The following CD200R1 variants were observed in gnomAD, a reference collection of about 807,000 sequenced individuals.
CD200R1 encodes CD200 receptor 1, also known as cell surface glycoprotein CD200 receptor 1.
A neutral mutation model predicts 38.1 loss-of-function variants in CD200R1; 30 were observed. The ratio of observed to expected loss-of-function variants is 0.79; its 90% confidence interval spans 0.59 to 1.07. CD200R1 has a LOEUF of 1.07. Among genes scored for constraint, CD200R1 ranks in the 50% least tolerant of loss-of-function variants. The pLI is 0.00. For missense variants in CD200R1, 372 were observed against 415.4 expected (o/e 0.90, Z 0.91); for synonymous variants, 128 against 152.1 (o/e 0.84, Z 1.16).
At chr3:112,969,674 C>T (rs146051255) in intron 1 of CD200R1, among the ~76,000 whole-genome samples, 2,699 of 152,210 alleles carry the variant, frequency 0.018, 28 homozygotes, top group South Asian at 0.047. Flanking sequence ...CAATGCAGGG[C>T]CTCTCTAAGG....
intron 2 of CD200R1, among the ~76,000 whole-genome samples, chr3:112,939,641 A>G (rs1348065675): frequency 6.6e-6 from 1 of 151,942 alleles, no homozygotes; most frequent in Non-Finnish European, 1.5e-5. Context: ...GAAATTTAAG[A>G]AGACACAAAA....
At chr3:112,966,438 T>A (rs918790751) in intron 1 of CD200R1, among the ~76,000 whole-genome samples, 3 of 152,164 alleles carry the variant, frequency 2.0e-5, no homozygotes, top group Non-Finnish European at 4.4e-5. Context: ...GTAGGATAAT[T>A]TTGTGAAGAA....
intron 1 of CD200R1, among the ~76,000 whole-genome samples, chr3:112,970,623 C>T (rs1446922946): frequency 2.0e-5 from 3 of 151,858 alleles, no homozygotes; most frequent in Admixed American, 2.0e-4. Context: ...GTTTTTCAGA[C>T]ACAAATGGTT....
intron 1 of CD200R1, among the ~76,000 whole-genome samples, chr3:112,963,986 C>G (rs1933089606): frequency 1.3e-5 from 2 of 152,198 alleles, no homozygotes; most frequent in Admixed American, 6.5e-5. Flanking sequence ...GGCCAACATA[C>G]AGCTCAGGCC....
At chr3:112,944,617 T>G (rs142619137) in intron 2 of CD200R1, among the ~76,000 whole-genome samples, 4 of 152,086 alleles carry the variant, frequency 2.6e-5, no homozygotes, top group African/African-American at 9.6e-5. Flanking sequence ...TCTAACTAAT[T>G]CACCACTGGA....
In CD200R1 at chr3:112,923,414, G is replaced by C. The variant is rs1427026400; in HGVS notation, c.*263C>G. 3.8e-6 allele frequency: 1 copy of C among 264,382 alleles called. No homozygotes were observed. The highest frequency in any genetic ancestry group is 1.0e-4 in the East Asian group (1 of 9,952). 16.4% of individuals were successfully genotyped at this position (264,382 alleles called of 1,614,324 possible). A position where few individuals can be genotyped will look rare whatever the true frequency, so the allele number is the denominator to read the frequency against. ...GGAAATTTGGTTTTCATTATTTACT[G>C]TCCTGCACAATTTGAATATTTGGTC... On this transcript the variant is annotated 3_prime_UTR_variant, in exon 8 of 8. Coordinates refer to ENST00000308611, the MANE Select transcript of CD200R1 (RefSeq NM_138806.4).
Position 112,938,628 on chromosome 3 carries a change from GAA to G in CD200R1, c.137-7459_137-7458del, listed in dbSNP as rs373298504. Among the ~76,000 whole-genome samples the G allele has an allele frequency of 1.1e-3, 174 of 152,058 alleles. 4 individuals are homozygous for G. The South Asian group carries it at 0.033, about 29-fold the overall frequency. On this transcript the variant is annotated intron_variant, in intron 2 of 7. Transcript: ENST00000308611. ...TAGTAATGAAAAGTCTCCCAACAAA[GAA>G]AAGTCCAGGAACAAATGGCTTCACA... is the stretch of plus-strand genomic sequence containing the variant.
chr3:112,973,561 T>C (rs993984735), intron 1 of CD200R1, among the ~76,000 whole-genome samples: 4 of 152,256 alleles, frequency 2.6e-5, no homozygotes, highest in African/African-American at 9.6e-5. Flanking sequence ...CTTCACTGGG[T>C]TGCTGTGCAG....
chr3:112,929,188 A>T lies in CD200R1; in HGVS notation c.520+2T>A. On this transcript the variant is annotated splice_donor_variant, in intron 4 of 7. Coordinates refer to ENST00000308611, the MANE Select transcript of CD200R1 (RefSeq NM_138806.4). LOFTEE classifies it high-confidence loss of function. ...AATACCTCAATATATGATGCTCCTT[A>T]CCTAACACTTGGAGGTGATATCCAC... 1 of 1,614,174 alleles carries T rather than the reference A, an allele frequency of 6.2e-7. No individual in the cohort carries two copies. The highest frequency in any genetic ancestry group is 8.5e-7 in the Non-Finnish European group (1 of 1,180,010).
intron 2 of CD200R1, 31 bp downstream of exon 2, chr3:112,947,825 A>G (rs1395677461): frequency 4.8e-6 from 7 of 1,461,638 alleles, no homozygotes; most frequent in Non-Finnish European, 6.7e-6. Flanking sequence ...GCACTCCCCT[A>G]CTAGAATTAT....
At position 112,974,452 on chromosome 3, in the gene CD200R1, G is replaced by A. The variant is rs529490028; in HGVS notation, c.67+339C>T. Reference sequence around the variant, plus strand: ...CCCTGTCTCAAAAAAGGGGGTTGGGGAAGAGAATAAGATAAAGAGAACCTA... The same window carrying A: ...CCCTGTCTCAAAAAAGGGGGTTGGGAAAGAGAATAAGATAAAGAGAACCTA... On this transcript the variant is annotated intron_variant, in intron 1 of 7. Coordinates refer to ENST00000308611, the MANE Select transcript of CD200R1 (RefSeq NM_138806.4). 2.6e-5 allele frequency among the ~76,000 whole-genome samples: 4 copies of A among 152,140 alleles called. No individual in the cohort carries two copies. The East Asian group carries it at 7.7e-4, about 29-fold the overall frequency.
intron 1 of CD200R1, among the ~76,000 whole-genome samples, chr3:112,959,142 C>T (rs999968289): frequency 2.0e-5 from 3 of 152,018 alleles, no homozygotes; most frequent in African/African-American, 7.3e-5. Context: ...TGTTAAAAAC[C>T]CCTAATTCGG....
At chr3:112,958,815 A>C (rs1932932482) in intron 1 of CD200R1, among the ~76,000 whole-genome samples, 1 of 152,178 alleles carries the variant, frequency 6.6e-6, no homozygotes, top group Non-Finnish European at 1.5e-5. Context: ...TCATCAGTAG[A>C]AAGAAGAATG....
At chr3:112,956,730 T>C (rs1431141709) in intron 1 of CD200R1, among the ~76,000 whole-genome samples, 1 of 152,190 alleles carries the variant, frequency 6.6e-6, no homozygotes, top group African/African-American at 2.4e-5. Context: ...CAGATCACTG[T>C]GGCCATTGGA....
chr3:112,945,302 CTA>C (rs1241273030), intron 2 of CD200R1, among the ~76,000 whole-genome samples: 4 of 152,150 alleles, frequency 2.6e-5, no homozygotes, highest in African/African-American at 9.7e-5. Flanking sequence ...AGGCCTGACA[CTA>C]TTCGACTTCA....
chr3:112,964,328 T>TA (rs1353749847), intron 1 of CD200R1, among the ~76,000 whole-genome samples: 1 of 152,112 alleles, frequency 6.6e-6, no homozygotes, highest in Non-Finnish European at 1.5e-5. Flanking sequence ...TCTGCCCCTG[T>TA]AAAGGTCACA....
intron 1 of CD200R1, among the ~76,000 whole-genome samples, chr3:112,949,356 A>G (rs1263082756): frequency 3.3e-5 from 5 of 152,224 alleles, no homozygotes; most frequent in African/African-American, 1.2e-4. Context: ...GTTTTTCTGG[A>G]AAAAGTTTTA....
Position 112,928,989 on chromosome 3 carries a change from G to C in CD200R1, c.596C>G (p.Ala199Gly). The change falls in exon 5 of 8, where the codon GCG becomes GGG. Residue 199 changes from alanine (A) to glycine (G), a missense_variant. Physicochemically the swap from Ala to Gly is moderately conservative, Grantham distance 60. Coordinates refer to ENST00000308611, the MANE Select transcript of CD200R1 (RefSeq NM_138806.4). ...GCCCTCTGGGATCCAGGAGATATGC[G>C]CAGCTGGCTTCCCTGCAACTGCCTT... is the stretch of plus-strand genomic sequence containing the variant. Reference protein sequence around the residue: ...VCKAVAGKPAAHISWIPEGDC... With the variant: ...VCKAVAGKPAGHISWIPEGDC... 6.2e-7 allele frequency: 1 copy of C among 1,613,914 alleles called. No homozygotes were observed. The highest frequency in any genetic ancestry group is 8.5e-7 in the Non-Finnish European group (1 of 1,179,986).
chr3:112,965,983 A>G (rs1182017608), intron 1 of CD200R1, among the ~76,000 whole-genome samples: 1 of 152,124 alleles, frequency 6.6e-6, no homozygotes. Flanking sequence ...GACACAAGAA[A>G]CATTTTGAGG....
Sources: allele counts gnomAD v4.1 joint callset (sites outside exome capture counted in the v4.1 genomes callset), GRCh38; gene constraint gnomAD v4.1.1; transcripts MANE v1.5; gene names NCBI Gene and HGNC (gene_info 2026-07-23, HGNC 2026-07-21).